Variants in GRIK1 observed in about 807,000 individuals in gnomAD.
GRIK1 encodes glutamate ionotropic receptor kainate type subunit 1.
In GRIK1, 69 loss-of-function variants were observed where a neutral mutation model predicts 105.7. The ratio of observed to expected loss-of-function variants is 0.65; its 90% CI spans 0.54 to 0.80. The LOEUF (loss-of-function observed/expected upper bound fraction) is 0.80. Ranked by LOEUF, GRIK1 falls within the 30% of genes least tolerant of loss-of-function variation. The pLI, the probability that GRIK1 is intolerant of heterozygous loss-of-function variation, is 0.00. For missense variants in GRIK1, 1,109 were observed against 1,167.3 expected (o/e 0.95, Z 0.73); for synonymous variants, 438 against 431.3 (o/e 1.02, Z -0.19).
At chr21:29,912,292 C>T (rs1483153774) in intron 1 of GRIK1, among the ~76,000 whole-genome samples, 1 of 152,114 alleles carries the variant, frequency 6.6e-6, no homozygotes, top group Admixed American at 6.6e-5. Context: ...AAACCCCTCC[C>T]TGACCAGAGA....
At chr21:29,886,347 A>G (rs2069628041) in intron 1 of GRIK1, among the ~76,000 whole-genome samples, 1 of 152,088 alleles carries the variant, frequency 6.6e-6, no homozygotes, top group South Asian at 2.1e-4. Flanking sequence ...TGTTCTTTGC[A>G]CATATTTTCC....
intron 1 of GRIK1, among the ~76,000 whole-genome samples, chr21:29,775,275 CAA>C (rs66647707): frequency 0.012 from 912 of 74,702 alleles, 6 homozygotes; most frequent in African/African-American, 0.039. Flanking sequence ...GCCTCTGTCT[CAA>C]AAAAAAAAAA....
intron 14 of GRIK1, 107 bp downstream of exon 14, chr21:29,576,857 C>A: frequency 3.1e-6 from 2 of 650,682 alleles, no homozygotes; most frequent in South Asian, 2.2e-5. Flanking sequence ...AAAAAATTAC[C>A]CAACATCTTT....
intron 7 of GRIK1, among the ~76,000 whole-genome samples, chr21:29,639,119 G>A (rs888372300): frequency 3.3e-5 from 5 of 152,172 alleles, no homozygotes; most frequent in Non-Finnish European, 5.9e-5. Context: ...TCCTGACTCT[G>A]TCTTATTGAA....
intron 14 of GRIK1, among the ~76,000 whole-genome samples, chr21:29,571,918 T>C (rs534625991): frequency 6.6e-6 from 1 of 152,184 alleles, no homozygotes; most frequent in Non-Finnish European, 1.5e-5. Flanking sequence ...TCTTAGCAAA[T>C]GACTTGTGCT....
chr21:29,872,954 G>A (rs1300914840), intron 1 of GRIK1, among the ~76,000 whole-genome samples: 1 of 152,178 alleles, frequency 6.6e-6, no homozygotes. Context: ...GCTTCAGAGA[G>A]GAGATGGAAG....
chr21:29,822,990 A>G (rs2067346919), intron 1 of GRIK1, among the ~76,000 whole-genome samples: 1 of 151,976 alleles, frequency 6.6e-6, no homozygotes, highest in South Asian at 2.1e-4. Context: ...AAGGGCATGG[A>G]ACTTGACATT....
At chr21:29,731,610 A>T (rs1411157465) in intron 1 of GRIK1, among the ~76,000 whole-genome samples, 1 of 152,174 alleles carries the variant, frequency 6.6e-6, no homozygotes, top group Non-Finnish European at 1.5e-5. Context: ...TTAATTTTTA[A>T]ATCGGAAATG....
chr21:29,834,718 T>A (rs2067734032), intron 1 of GRIK1, among the ~76,000 whole-genome samples: 1 of 151,440 alleles, frequency 6.6e-6, no homozygotes, highest in Admixed American at 6.6e-5. Flanking sequence ...TGAGTTAACA[T>A]ATATTAATTG....
intron 1 of GRIK1, among the ~76,000 whole-genome samples, chr21:29,783,038 C>T (rs906022381): frequency 1.4e-4 from 21 of 152,214 alleles, no homozygotes; most frequent in African/African-American, 5.1e-4. Flanking sequence ...ATTATATAGC[C>T]CCCAACACAA....
intron 1 of GRIK1, among the ~76,000 whole-genome samples, chr21:29,789,159 T>C (rs1056589376): frequency 1.3e-5 from 2 of 152,210 alleles, no homozygotes; most frequent in Non-Finnish European, 2.9e-5. Context: ...TTATTAGAAA[T>C]GGCTTACTGC....
intron 12 of GRIK1, among the ~76,000 whole-genome samples, chr21:29,583,341 T>G (rs2091062826): frequency 6.6e-6 from 1 of 152,164 alleles, no homozygotes; most frequent in African/African-American, 2.4e-5. Context: ...GGAAACAGCA[T>G]GCAGAGTAAA....
At chr21:29,663,213 G>A (rs1284969760) in intron 4 of GRIK1, among the ~76,000 whole-genome samples, 12 of 152,146 alleles carry the variant, frequency 7.9e-5, no homozygotes, top group Admixed American at 7.9e-4. Context: ...GCAAGTGGCA[G>A]GAAAATTAAT....
intron 1 of GRIK1, among the ~76,000 whole-genome samples, chr21:29,892,291 C>T (rs2069930776): frequency 6.6e-6 from 1 of 152,188 alleles, no homozygotes; most frequent in Non-Finnish European, 1.5e-5. Context: ...CAGAAAGCAA[C>T]ACCTTTGAGA....
chr21:29,768,320 C>T (rs1385453672), intron 1 of GRIK1, among the ~76,000 whole-genome samples: 1 of 151,990 alleles, frequency 6.6e-6, no homozygotes, highest in East Asian at 1.9e-4. Flanking sequence ...GATCTTAGTC[C>T]CTTAAAAGTG....
chr21:29,560,540 C>T, intron 15 of GRIK1, among the ~76,000 whole-genome samples: 2 of 85,840 alleles, frequency 2.3e-5, no homozygotes, highest in Admixed American at 1.4e-4. Flanking sequence ...TTCTTTCTTT[C>T]TTTCTTTCTT....
At chr21:29,709,702 A>G (rs1010884064) in intron 1 of GRIK1, among the ~76,000 whole-genome samples, 2 of 151,946 alleles carry the variant, frequency 1.3e-5, no homozygotes, top group African/African-American at 2.4e-5. Context: ...CAAATCATAC[A>G]ATATTTTTTC....
chr21:29,908,963 A>C (rs1347405392), intron 1 of GRIK1, among the ~76,000 whole-genome samples: 1 of 152,208 alleles, frequency 6.6e-6, no homozygotes, highest in African/African-American at 2.4e-5. Context: ...CCATATGAAC[A>C]AACTAAGTAA....
intron 4 of GRIK1, among the ~76,000 whole-genome samples, chr21:29,656,354 CAAAAAAAAAAAAA>C (rs3054331): frequency 1.0e-3 from 52 of 51,160 alleles, no homozygotes; most frequent in Middle Eastern, 0.02. Flanking sequence ...GAGCGAGACT[CAAAAAAAAAAAAA>C]AAAAAAAAAA....
Sources: allele counts gnomAD v4.1 joint callset (sites outside exome capture counted in the v4.1 genomes callset), GRCh38; gene constraint gnomAD v4.1.1; transcripts MANE v1.5; gene names NCBI Gene and HGNC (gene_info 2026-07-23, HGNC 2026-07-21).